NCOA1: variants seen among roughly 807,000 people sequenced by gnomAD.
NCOA1 encodes Hin-2 protein.
NCOA1 carries 35 observed loss-of-function variants against 150.9 expected under a neutral mutation model. That is an observed-to-expected ratio of 0.23 (90% CI 0.18 to 0.31). NCOA1 has a LOEUF of 0.31. Ranked by LOEUF, NCOA1 falls within the 10% of genes least tolerant of loss-of-function variation. The probability of loss-of-function intolerance (pLI) is 1.00; values close to 1 mark genes in which losing one functional copy is unlikely to be tolerated. For missense variants in NCOA1, 1,491 were observed against 1,749.3 expected, an observed-to-expected ratio of 0.85 and a Z score of 2.63; for synonymous variants, 590 against 630.0, an observed-to-expected ratio of 0.94 and a Z score of 0.95.
At chr2:24,673,326 C>T in intron 6 of NCOA1, 40 bp from the exon 7 acceptor site, 1 of 1,370,256 alleles carries the variant, frequency 7.3e-7, no homozygotes, top group Non-Finnish European at 9.9e-7. Context: ...GAAATAAGCT[C>T]TTTTCAGATA....
At chr2:24,608,246 C>CTAT (rs202179395) in intron 3 of NCOA1, among the ~76,000 whole-genome samples, 15,327 of 131,674 alleles carry the variant, frequency 0.12, 1,000 homozygotes, top group Admixed American at 0.18. Flanking sequence ...CCCAGTTCCC[C>CTAT]TATTATTATT....
chr2:24,730,073 T>G (rs1662916895), intron 17 of NCOA1, among the ~76,000 whole-genome samples: 1 of 152,160 alleles, frequency 6.6e-6, no homozygotes, highest in African/African-American at 2.4e-5. Context: ...CTCGATCTGT[T>G]GACCTTGTGA....
chr2:24,563,643 G>A (rs1402114071), intron 1 of NCOA1, among the ~76,000 whole-genome samples: 3 of 151,782 alleles, frequency 2.0e-5, no homozygotes, highest in Non-Finnish European at 4.4e-5. Context: ...TCAGCCTCCC[G>A]AGTAGCTGGG....
At chr2:24,730,988 A>G (rs532634526) in intron 17 of NCOA1, among the ~76,000 whole-genome samples, 1 of 145,588 alleles carries the variant, frequency 6.9e-6, no homozygotes, top group East Asian at 2.1e-4. Context: ...CAGCAAGCCG[A>G]GATTGTGCCA....
intron 3 of NCOA1, among the ~76,000 whole-genome samples, chr2:24,602,956 G>A (rs958821582): frequency 1.5e-4 from 23 of 151,982 alleles, no homozygotes; most frequent in Non-Finnish European, 2.5e-4. Flanking sequence ...GTTTTACTGC[G>A]TATGTATCTA....
chr2:24,739,394 G>A lies in NCOA1; in HGVS notation c.3202-38G>A, dbSNP rs1452630437. On this transcript the variant is annotated intron_variant, in intron 17 of 22. Coordinates refer to ENST00000348332, the MANE Select transcript of NCOA1 (RefSeq NM_003743.5). ...TTTATAAGGCCCGTGTTATGCTTGT[G>A]TGTAGAAATATATCTTATTGTTTCC... The A allele has an allele frequency of 6.3e-6, 9 of 1,419,520 alleles. No homozygotes were observed. In the East Asian group the frequency reaches 1.8e-4, roughly 29 times the overall value. 87.9% of individuals were successfully genotyped at this position (1,419,520 alleles called of 1,614,324 possible). A position where few individuals can be genotyped will look rare whatever the true frequency, so the allele number is the denominator to read the frequency against.
intron 14 of NCOA1, among the ~76,000 whole-genome samples, chr2:24,716,892 C>T (rs767112003): frequency 6.6e-6 from 1 of 152,114 alleles, no homozygotes; most frequent in Non-Finnish European, 1.5e-5. Context: ...TATTTCCTAA[C>T]TCATATTGTA....
chr2:24,627,216 A>G (rs1448508445), intron 3 of NCOA1, among the ~76,000 whole-genome samples: 1 of 149,248 alleles, frequency 6.7e-6, no homozygotes, highest in Non-Finnish European at 1.5e-5. Context: ...CCATATGGAA[A>G]GTGATGGTTA....
At chr2:24,517,008 A>ATG (rs1558758885) in intron 1 of NCOA1, among the ~76,000 whole-genome samples, 14 of 100,488 alleles carry the variant, frequency 1.4e-4, no homozygotes, top group African/African-American at 4.1e-4. Context: ...ACGCGCGCAC[A>ATG]CACACACACA....
chr2:24,665,588 A>G (rs865976877), intron 5 of NCOA1, among the ~76,000 whole-genome samples, 161 bp from the exon 6 acceptor site: 10 of 152,290 alleles, frequency 6.6e-5, no homozygotes, highest in Non-Finnish European at 1.2e-4. Context: ...GTATTTTGTA[A>G]TGTCCACTTT....
chr2:24,568,143 G>A (rs946884598), intron 2 of NCOA1, among the ~76,000 whole-genome samples: 2 of 152,128 alleles, frequency 1.3e-5, no homozygotes, highest in South Asian at 4.1e-4. Flanking sequence ...ATGAAGAAAA[G>A]TGAAAAATCT....
rs1214664224 is a variant in NCOA1 at position 24,745,688 on chromosome 2, C to G, written c.3706+3502C>G. On this transcript the variant is annotated intron_variant, in intron 19 of 22. Coordinates refer to ENST00000348332, the MANE Select transcript of NCOA1 (RefSeq NM_003743.5). ...TTTATTCTCTATCTCTAAACAGTAT[C>G]TCTCAGCTCATATGTACAGCTGCCT... Among the ~76,000 whole-genome samples the G allele has an allele frequency of 2.0e-5, 3 of 152,150 alleles. No individual in the cohort carries two copies. In the East Asian group the frequency reaches 5.8e-4, roughly 29 times the overall value.
At chr2:24,763,787 A>G (rs1296012723) in intron 22 of NCOA1, among the ~76,000 whole-genome samples, 1 of 151,086 alleles carries the variant, frequency 6.6e-6, no homozygotes. Context: ...TGCCCGGCTA[A>G]TTTTTCGTCT....
At chr2:24,703,254 T>C (rs1673253208) in intron 11 of NCOA1, among the ~76,000 whole-genome samples, 1 of 152,182 alleles carries the variant, frequency 6.6e-6, no homozygotes, top group African/African-American at 2.4e-5. Context: ...TGTTACTCTT[T>C]TCATTGATTT....
intron 5 of NCOA1, among the ~76,000 whole-genome samples, chr2:24,664,359 T>C (rs893182037): frequency 4.6e-5 from 7 of 152,246 alleles, no homozygotes; most frequent in Non-Finnish European, 7.3e-5. Context: ...TAGTTGATTC[T>C]TTTCAACTTA....
chr2:24,501,954 G>A (rs1288895050), intron 1 of NCOA1, among the ~76,000 whole-genome samples: 2 of 152,162 alleles, frequency 1.3e-5, no homozygotes, highest in Non-Finnish European at 2.9e-5. Flanking sequence ...CAAGCCCACC[G>A]TATGACTAGA....
intron 3 of NCOA1, among the ~76,000 whole-genome samples, chr2:24,588,158 C>T (rs960238380): frequency 6.6e-6 from 1 of 152,042 alleles, no homozygotes; most frequent in Non-Finnish European, 1.5e-5. Context: ...GATCATGGCT[C>T]ACTGCATCCT....
chr2:24,671,718 G>A (rs762918383), intron 6 of NCOA1, among the ~76,000 whole-genome samples: 17 of 151,854 alleles, frequency 1.1e-4, no homozygotes, highest in South Asian at 2.1e-4. Flanking sequence ...GTGCCACCAC[G>A]CCCGGCTAAT....
At position 24,707,394 on chromosome 2, in the gene NCOA1, G is replaced by A. The variant is rs1204504422; in HGVS notation, c.1924G>A (p.Glu642Lys). 8.1e-6 allele frequency: 13 copies of A among 1,614,088 alleles called. No homozygotes were observed. Among genetic ancestry groups the A allele is most frequent in the East Asian group, 4.5e-5 (2 of 44,876 alleles). Residue 642 changes from glutamate (E) to lysine (K), a missense_variant, in exon 13 of 23, where the codon GAA (glutamate) becomes AAA (lysine). Coordinates refer to ENST00000348332, the MANE Select transcript of NCOA1 (RefSeq NM_003743.5). ...KLVQLLTTTA[E>K]QQLRHADIDT... ...AGTGCAGCTTTTGACAACAACTGCC[G>A]AACAGCAGTTACGGCATGCTGATAT...
Sources: allele counts gnomAD v4.1 joint callset (sites outside exome capture counted in the v4.1 genomes callset), GRCh38; gene constraint gnomAD v4.1.1; transcripts MANE v1.5; gene names NCBI Gene and HGNC (gene_info 2026-07-23, HGNC 2026-07-21).